The following NID2 variants were observed in gnomAD, a reference collection of about 807,000 sequenced individuals.
NID2 encodes the protein nidogen-2.
A neutral mutation model predicts 145.4 loss-of-function variants in NID2; 83 were observed. The observed-to-expected ratio is 0.57, with a 90% CI of 0.48 to 0.69. NID2 has a LOEUF of 0.69. NID2 is among the 30% of genes least tolerant of loss of function. The pLI is 0.00. For missense variants in NID2, 1,807 were observed against 1,765.7 expected (o/e 1.02, Z -0.42); for synonymous variants, 739 against 701.3 (o/e 1.05, Z -0.85).
chr14:52,044,759 T>C (rs1333321003), intron 5 of NID2, among the ~76,000 whole-genome samples: 1 of 151,792 alleles, frequency 6.6e-6, no homozygotes, highest in African/African-American at 2.4e-5. Flanking sequence ...GCCACAAGCA[T>C]GCATCACACC....
intron 5 of NID2, among the ~76,000 whole-genome samples, chr14:52,052,085 A>G (rs1278329048): frequency 6.6e-6 from 1 of 152,240 alleles, no homozygotes; most frequent in Non-Finnish European, 1.5e-5. Context: ...AAGGCCATTC[A>G]GGAATGCGTC....
rs749482600 is a variant in NID2 at position 52,038,891 on chromosome 14, T to C, written c.2113A>G (p.Thr705Ala). The C allele has an allele frequency of 1.5e-5, 24 of 1,613,894 alleles. No individual in the cohort carries two copies. The change falls in exon 9 of 22, where the codon ACT becomes GCT. Residue 705 changes from threonine to alanine, a missense_variant. By Grantham distance (58) the Thr-to-Ala change is moderately conservative (BLOSUM62 0). Coordinates refer to ENST00000216286, the MANE Select transcript of NID2 (RefSeq NM_007361.4). The part of the protein sequence containing the change: ...TWSYRIHQNI[T>A]YQVCRHAPRH... ...GGGGCGTGCCTGCACACCTGGTAAG[T>C]GATGTTCTGGTGGATGCGGTAGGAC...
chr14:52,036,207 A>G (rs567823971), intron 9 of NID2, among the ~76,000 whole-genome samples: 53 of 152,248 alleles, frequency 3.5e-4, no homozygotes, highest in African/African-American at 1.3e-3. Context: ...GCAACCATGA[A>G]TATGCTTTCT....
At chr14:52,006,017 A>T in intron 20 of NID2, 168 bp from the exon 21 acceptor site, 1 of 604,602 alleles carries the variant, frequency 1.7e-6, no homozygotes, top group Non-Finnish European at 3.0e-6. Flanking sequence ...CTCTAAATCC[A>T]TTGCTCATCT....
chr14:52,049,029 A>G (rs1892599740), intron 5 of NID2, among the ~76,000 whole-genome samples: 4 of 152,308 alleles, frequency 2.6e-5, no homozygotes, highest in African/African-American at 9.6e-5. Flanking sequence ...GGAGAGTCAG[A>G]CCATAAAGAA....
At chr14:52,056,778 C>T (rs2013404) in intron 3 of NID2, among the ~76,000 whole-genome samples, 24,924 of 152,020 alleles carry the variant, frequency 0.16, 2,782 homozygotes, top group East Asian at 0.51. Context: ...GATGACAGAA[C>T]GAGACTCCAT....
chr14:52,020,638 G>A lies in NID2; in HGVS notation c.2675-460C>T, dbSNP rs574736641. 1.1e-4 allele frequency among the ~76,000 whole-genome samples: 16 copies of A among 152,210 alleles called. No individual in the cohort carries two copies. In the South Asian group the frequency reaches 2.7e-3, roughly 26 times the overall value. The stretch of plus-strand genomic sequence containing the variant: ...TGTAACATTCGTCTGTAGATGCAAA[G>A]GAGCCAGATGAGGCCCAAATATTTT... On this transcript the variant is annotated intron_variant, in intron 12 of 21. Coordinates refer to ENST00000216286, the MANE Select transcript of NID2 (RefSeq NM_007361.4).
In NID2 at chr14:52,028,704, A is replaced by C; in HGVS notation, c.2530+18T>G. 1 of 1,608,568 alleles carries C rather than the reference A, an allele frequency of 6.2e-7. No individual in the cohort carries two copies. Among genetic ancestry groups the C allele is most frequent in the Non-Finnish European group, 8.5e-7 (1 of 1,178,188 alleles). On this transcript the variant is annotated intron_variant, in intron 11 of 21. Transcript: ENST00000216286. ...GAGCACCATTTTGGCCACACAGGAA[A>C]ATGATTTTGGAACTCACAGATGCAA...
intron 14 of NID2, among the ~76,000 whole-genome samples, chr14:52,017,543 C>T (rs912624579): frequency 1.3e-5 from 2 of 151,598 alleles, no homozygotes; most frequent in African/African-American, 2.4e-5. Context: ...ATCTTGGTTC[C>T]CCCTTTAAAA....
Position 52,007,862 on chromosome 14 carries a change from G to A in NID2, c.3828C>T (p.Pro1276=). 4.3e-6 allele frequency: 7 copies of A among 1,613,888 alleles called. No individual in the cohort carries two copies. The highest frequency in any genetic ancestry group is 5.9e-6 in the Non-Finnish European group (7 of 1,179,860). ...RILINTDIGL[P]NGLTFDPFSK... ...AGAAAGGGTCAAAGGTTAAGCCATT[G>A]GGCAATCCAATGTCTGTATTGATCA... The change falls in exon 19 of 22, where the codon CCC becomes CCT. Residue 1276 remains proline (P), a synonymous_variant. Transcript: ENST00000216286.
chr14:52,006,735 A>G, intron 19 of NID2, 75 bp from the exon 20 acceptor site: 1 of 1,493,664 alleles, frequency 6.7e-7, no homozygotes, highest in Non-Finnish European at 9.3e-7. Context: ...TGATAGTGAC[A>G]CAGTGATAGA....
At chr14:52,065,503 T>C (rs1185174997) in intron 2 of NID2, among the ~76,000 whole-genome samples, 2 of 141,624 alleles carry the variant, frequency 1.4e-5, no homozygotes, top group African/African-American at 2.7e-5. Context: ...TATTTATTTA[T>C]TTATTTATTT....
chr14:52,065,475 C>T lies in NID2; in HGVS notation c.534+2383G>A, dbSNP rs11846759. 5.0e-5 allele frequency among the ~76,000 whole-genome samples: 7 copies of T among 139,802 alleles called. No homozygotes were observed. In the East Asian group the frequency reaches 6.6e-4, roughly 13 times the overall value. 91.7% of individuals were successfully genotyped at this position (139,802 alleles called of 152,430 possible). Reference sequence around the variant, plus strand: ...TCCTTTCTTTTTTTTTTTTTTTCCCCTTTCTTTTTTATTTATTTATTTATT... The same window carrying T: ...TCCTTTCTTTTTTTTTTTTTTTCCCTTTTCTTTTTTATTTATTTATTTATT... On this transcript the variant is annotated intron_variant, in intron 2 of 21. Coordinates refer to ENST00000216286, the MANE Select transcript of NID2 (RefSeq NM_007361.4).
At position 52,030,598 on chromosome 14, in the gene NID2, G is replaced by GAGAAAGAA. The variant is rs753130228; in HGVS notation, c.2258-909_2258-908insTTCTTTCT. 1.4e-4 allele frequency among the ~76,000 whole-genome samples: 9 copies of GAGAAAGAA among 64,460 alleles called. No homozygotes were observed. The East Asian group carries it at 6.2e-3, about 45-fold the overall frequency. 42.3% of individuals were successfully genotyped at this position (64,460 alleles called of 152,430 possible). On this transcript the variant is annotated intron_variant, in intron 9 of 21. Transcript: ENST00000216286. ...GAAGGGAAAGAAAGAAAGAAAGAAA[G>GAGAAAGAA]AAAGAAAGAGAAAGAAAAAGAAAGA...
intron 18 of NID2, chr14:52,008,308 A>AT (rs1289257956): frequency 5.1e-6 from 1 of 194,690 alleles, no homozygotes; most frequent in Non-Finnish European, 1.0e-5. Flanking sequence ...GGCCAGAGAC[A>AT]TTAGTCTTGC....
At chr14:52,044,878 C>G (rs67640320) in intron 5 of NID2, among the ~76,000 whole-genome samples, 41,453 of 151,864 alleles carry the variant, frequency 0.27, 6,072 homozygotes, top group East Asian at 0.51. Flanking sequence ...CCCACCTAGG[C>G]CTCCCAAAAT....
intron 5 of NID2, 145 bp downstream of exon 5, chr14:52,053,434 T>C (rs947891262): frequency 1.1e-6 from 1 of 896,616 alleles, no homozygotes. Flanking sequence ...TTACTCTATC[T>C]CTTGAAACAC....
rs1891350004 is a variant in NID2, at chr14:52,020,139, G to A, written c.2714C>T (p.Ala905Val). Residue 905 changes from alanine to valine, a missense_variant, in exon 13 of 22, where the codon GCT becomes GTT. Transcript: ENST00000216286. ...ECSENRCHPA[A>V]TCYNTPGSFS... ...GGAACCAGGAGTATTGTAGCAGGTA[G>A]CTGCAGGGTGACATCTGTTTTCTGA... 8.1e-6 allele frequency: 13 copies of A among 1,614,112 alleles called. No homozygotes were observed. In the East Asian group the frequency reaches 2.9e-4, roughly 36 times the overall value.
chr14:52,047,654 G>A (rs1892550701), intron 5 of NID2, among the ~76,000 whole-genome samples: 1 of 152,094 alleles, frequency 6.6e-6, no homozygotes, highest in Non-Finnish European at 1.5e-5. Context: ...GAACCGAGAG[G>A]GTTTGCTGGT....
Sources: allele counts gnomAD v4.1 joint callset (sites outside exome capture counted in the v4.1 genomes callset), GRCh38; gene constraint gnomAD v4.1.1; transcripts MANE v1.5; gene names NCBI Gene and HGNC (gene_info 2026-07-23, HGNC 2026-07-21).